Variants in MYO3B observed in about 807,000 individuals in gnomAD.
MYO3B encodes myosin IIIB, also known as myosin-IIIb.
MYO3B carries 156 observed loss-of-function variants against 174.6 expected under a neutral mutation model. The ratio of observed to expected loss-of-function variants is 0.89; its 90% CI spans 0.78 to 1.02. The LOEUF (loss-of-function observed/expected upper bound fraction) is 1.02. Among genes scored for constraint, MYO3B ranks in the 50% least tolerant of loss-of-function variants. The pLI, the probability that MYO3B is intolerant of heterozygous loss-of-function variation, is 0.00. For synonymous variants in MYO3B, 563 were observed against 569.1 expected, an observed-to-expected ratio of 0.99 and a Z score of 0.15; for missense variants, 1,632 against 1,639.4, an observed-to-expected ratio of 1.00 and a Z score of 0.08.
At chr2:170,348,842 G>T (rs890249112) in intron 8 of MYO3B, among the ~76,000 whole-genome samples, 6 of 152,152 alleles carry the variant, frequency 3.9e-5, no homozygotes, top group African/African-American at 1.4e-4. Flanking sequence ...CTTCTAATTT[G>T]GGGTAGTAGT....
At chr2:170,373,939 G>A (rs17497441) in intron 9 of MYO3B, among the ~76,000 whole-genome samples, 6,837 of 152,206 alleles carry the variant, frequency 0.045, 203 homozygotes, top group Non-Finnish European at 0.067. Context: ...TAAAGGGTCA[G>A]TTAAAGATCG....
Position 170,239,407 on chromosome 2 carries a change from G to A in MYO3B, c.749+3271G>A, listed in dbSNP as rs148687797. Among the ~76,000 whole-genome samples the A allele has an allele frequency of 3.9e-4, 59 of 152,312 alleles. 1 individual carries two copies. Among genetic ancestry groups the A allele is most frequent in the East Asian group, 1.9e-4 (1 of 5,186 alleles). On this transcript the variant is annotated intron_variant, in intron 7 of 34. Coordinates refer to ENST00000408978, the MANE Select transcript of MYO3B (RefSeq NM_138995.5). ...ATGACCCCCTTGACTTCCATAGAGG[G>A]GAGTGAGGAAGGCTGTGGGCATCAG...
intron 32 of MYO3B, among the ~76,000 whole-genome samples, chr2:170,575,821 G>C (rs4667645): frequency 0.039 from 5,923 of 152,196 alleles, 249 homozygotes; most frequent in East Asian, 0.2. Context: ...AAAAGAAAAA[G>C]TGTGTCCAAG....
At chr2:170,360,740 C>T (rs1310873942) in intron 8 of MYO3B, among the ~76,000 whole-genome samples, 1 of 152,180 alleles carries the variant, frequency 6.6e-6, no homozygotes, top group Non-Finnish European at 1.5e-5. Flanking sequence ...GGATTAAGTA[C>T]TGGATAAACA....
At chr2:170,519,155 T>C (rs1056754663) in intron 29 of MYO3B, among the ~76,000 whole-genome samples, 7 of 152,090 alleles carry the variant, frequency 4.6e-5, no homozygotes, top group African/African-American at 1.4e-4. Context: ...CCAAATCACT[T>C]GGGGCCTCTA....
At position 170,653,585 on chromosome 2, in the gene MYO3B, T is replaced by G. The variant is rs2105516924; in HGVS notation, c.*464T>G. ...CATCCTCCCACCTTTGCTGGGCTTT[T>G]CTATCACTCCCACCTCCCCCAGAGT... is the stretch of plus-strand genomic sequence containing the variant. On this transcript the variant is annotated 3_prime_UTR_variant, in exon 35 of 35. Coordinates refer to ENST00000408978, the MANE Select transcript of MYO3B (RefSeq NM_138995.5). 6.3e-6 allele frequency: 1 copy of G among 158,804 alleles called. No individual in the cohort carries two copies. Among genetic ancestry groups the G allele is most frequent in the East Asian group, 1.8e-4 (1 of 5,496 alleles). The allele number at this position is 158,804 out of a possible 1,614,324, so 9.8% of individuals were successfully genotyped here. A position where few individuals can be genotyped will look rare whatever the true frequency, so the allele number is the denominator to read the frequency against.
chr2:170,497,193 A>T (rs1359757984), intron 25 of MYO3B, among the ~76,000 whole-genome samples: 2 of 152,224 alleles, frequency 1.3e-5, no homozygotes, highest in Non-Finnish European at 2.9e-5. Flanking sequence ...AGACACAGGG[A>T]CACAGAGAAG....
intron 32 of MYO3B, among the ~76,000 whole-genome samples, chr2:170,636,327 A>G (rs917484363): frequency 6.6e-6 from 1 of 151,982 alleles, no homozygotes; most frequent in Non-Finnish European, 1.5e-5. Context: ...CTAACTTCCA[A>G]GGAAGGAGCC....
chr2:170,227,593 C>G (rs930588429), intron 6 of MYO3B, among the ~76,000 whole-genome samples: 2 of 152,100 alleles, frequency 1.3e-5, no homozygotes, highest in Non-Finnish European at 2.9e-5. Flanking sequence ...CCTCCCATAC[C>G]TTTTTTAATT....
intron 23 of MYO3B, among the ~76,000 whole-genome samples, chr2:170,447,444 G>A (rs562378992): frequency 2.6e-5 from 4 of 152,292 alleles, no homozygotes; most frequent in East Asian, 1.9e-4. Context: ...AATAGGGAGC[G>A]CTAACTAAGA....
intron 32 of MYO3B, among the ~76,000 whole-genome samples, chr2:170,621,185 G>A (rs577000465): frequency 4.6e-5 from 7 of 152,086 alleles, no homozygotes; most frequent in South Asian, 2.1e-4. Context: ...CACCGCACCC[G>A]GCCAACCATA....
At chr2:170,204,186 GA>G (rs1245244025) in intron 3 of MYO3B, among the ~76,000 whole-genome samples, 1 of 152,078 alleles carries the variant, frequency 6.6e-6, no homozygotes, top group African/African-American at 2.4e-5. Context: ...AACACCAGAG[GA>G]AAAAATGTGC....
At chr2:170,244,445 G>A (rs2093168606) in intron 7 of MYO3B, among the ~76,000 whole-genome samples, 1 of 152,184 alleles carries the variant, frequency 6.6e-6, no homozygotes, top group Non-Finnish European at 1.5e-5. Context: ...CCTGGTTGTT[G>A]CAGATAAGTT....
intron 14 of MYO3B, among the ~76,000 whole-genome samples, chr2:170,388,051 CTAT>C (rs1289104895): frequency 1.3e-5 from 2 of 151,580 alleles, no homozygotes; most frequent in Non-Finnish European, 2.9e-5. Context: ...ATAATAATAG[CTAT>C]TATTATAATT....
intron 32 of MYO3B, among the ~76,000 whole-genome samples, chr2:170,625,347 T>C (rs1326963652): frequency 6.6e-6 from 1 of 152,240 alleles, no homozygotes. Context: ...TTCTAGTTTA[T>C]TTGCATAGAG....
intron 7 of MYO3B, among the ~76,000 whole-genome samples, chr2:170,259,506 T>C (rs900442957): frequency 6.6e-6 from 1 of 152,214 alleles, no homozygotes; most frequent in African/African-American, 2.4e-5. Flanking sequence ...GCTATCCTTT[T>C]GCAGAAGAAT....
intron 32 of MYO3B, among the ~76,000 whole-genome samples, chr2:170,600,121 CTTG>C (rs968736577): frequency 3.7e-4 from 50 of 136,378 alleles, no homozygotes; most frequent in African/African-American, 1.8e-3. Flanking sequence ...TAAGCCCTTC[CTTG>C]TTGTTGTTGT....
At chr2:170,580,579 A>C (rs1693067642) in intron 32 of MYO3B, among the ~76,000 whole-genome samples, 1 of 152,110 alleles carries the variant, frequency 6.6e-6, no homozygotes, top group East Asian at 1.9e-4. Flanking sequence ...CGGAGGTTGC[A>C]GTGAGCTGAG....
intron 32 of MYO3B, among the ~76,000 whole-genome samples, chr2:170,581,225 C>T (rs1254153107): frequency 6.6e-6 from 1 of 152,144 alleles, no homozygotes; most frequent in Non-Finnish European, 1.5e-5. Context: ...GTCAGAAACA[C>T]AAATGACATA....
Sources: gnomAD v4.1 joint callset for allele counts (sites outside exome capture counted in the v4.1 genomes callset) on GRCh38, gnomAD v4.1.1 for gene constraint, MANE v1.5 for transcripts, NCBI Gene and HGNC (gene_info 2026-07-23, HGNC 2026-07-21) for gene names.